The following NPAS3 variants were observed in gnomAD, a reference collection of about 807,000 sequenced individuals.
NPAS3 encodes the protein neuronal PAS domain protein 3, also known as neuronal PAS domain-containing protein 3.
Under a neutral mutation model 73.1 loss-of-function variants are expected in NPAS3, and 14 were observed. The ratio of observed to expected loss-of-function variants is 0.19; its 90% CI spans 0.13 to 0.30. The LOEUF (loss-of-function observed/expected upper bound fraction) is 0.30. Ranked by LOEUF, NPAS3 falls within the 10% of genes least tolerant of loss-of-function variation. The probability of loss-of-function intolerance (pLI) is 1.00; values close to 1 mark genes in which losing one functional copy is unlikely to be tolerated. For synonymous variants in NPAS3, 620 were observed against 541.5 expected (o/e 1.14, Z -2.01); for missense variants, 1,096 against 1,250.0 (o/e 0.88, Z 1.86).
intron 6 of NPAS3, among the ~76,000 whole-genome samples, chr14:33,729,838 G>A (rs1441697428): frequency 6.6e-6 from 1 of 152,118 alleles, no homozygotes; most frequent in African/African-American, 2.4e-5. Flanking sequence ...CCTTTTAGAA[G>A]GAGGAGTTTT....
intron 6 of NPAS3, chr14:33,680,497 G>C (rs940524394): frequency 1.5e-6 from 1 of 669,804 alleles, no homozygotes; most frequent in African/African-American, 1.8e-5. Context: ...GTTTGGTGGG[G>C]TTTTTTGTAT....
intron 1 of NPAS3, among the ~76,000 whole-genome samples, chr14:33,024,448 G>T (rs751828736): frequency 3.9e-5 from 6 of 152,036 alleles, no homozygotes; most frequent in Non-Finnish European, 7.4e-5. Context: ...GGGATTACAG[G>T]CGTGAGCCAC....
intron 4 of NPAS3, among the ~76,000 whole-genome samples, chr14:33,455,285 G>C (rs988183497): frequency 6.6e-6 from 1 of 152,116 alleles, no homozygotes; most frequent in South Asian, 2.1e-4. Context: ...TTGTATTTCA[G>C]CTCCTAAGTT....
At position 33,261,796 on chromosome 14, in the gene NPAS3, T is replaced by C. The variant is rs533906638; in HGVS notation, c.385+46370T>C. ...ATTTTAATGTAATAGAGTTTGAAATTCACACATCATTTTATCCTAAAGCAA... is the reference window on the plus strand; with the variant it reads ...ATTTTAATGTAATAGAGTTTGAAATCCACACATCATTTTATCCTAAAGCAA... On this transcript the variant is annotated intron_variant, in intron 3 of 11. Transcript: ENST00000356141. Among the ~76,000 whole-genome samples, 3 of 152,300 alleles carry C rather than the reference T, an allele frequency of 2.0e-5. No individual in the cohort carries two copies. In the East Asian group the frequency reaches 5.8e-4, roughly 29 times the overall value.
chr14:33,774,795 C>A (rs543372549), intron 8 of NPAS3, among the ~76,000 whole-genome samples: 1 of 152,248 alleles, frequency 6.6e-6, no homozygotes, highest in South Asian at 2.1e-4. Context: ...TGGCTGAGAA[C>A]CCAAGGAGAG....
At chr14:33,331,907 C>A (rs997134967) in intron 3 of NPAS3, among the ~76,000 whole-genome samples, 13 of 152,186 alleles carry the variant, frequency 8.5e-5, no homozygotes, top group Non-Finnish European at 1.5e-5. Context: ...GTGTTTATAT[C>A]GGATTCCCTG....
chr14:33,374,712 G>T (rs1428284245), intron 4 of NPAS3, among the ~76,000 whole-genome samples: 1 of 148,038 alleles, frequency 6.8e-6, no homozygotes, highest in Non-Finnish European at 1.5e-5. Context: ...GGCGGGGGGG[G>T]GAGTAGAGAA....
intron 5 of NPAS3, among the ~76,000 whole-genome samples, chr14:33,603,011 A>C (rs1277541416): frequency 6.6e-6 from 1 of 152,220 alleles, no homozygotes; most frequent in Non-Finnish European, 1.5e-5. Flanking sequence ...CCAGATGTGG[A>C]AAGGAGCAGG....
intron 5 of NPAS3, among the ~76,000 whole-genome samples, chr14:33,668,279 C>T (rs1209428224): frequency 6.6e-6 from 1 of 152,206 alleles, no homozygotes; most frequent in East Asian, 1.9e-4. Context: ...TTCCACCATA[C>T]AGTAGCCCCT....
At chr14:33,175,927 A>G (rs1278524490) in intron 2 of NPAS3, among the ~76,000 whole-genome samples, 1 of 152,158 alleles carries the variant, frequency 6.6e-6, no homozygotes, top group Admixed American at 6.5e-5. Context: ...AACAACAACA[A>G]AAAAAATCAA....
rs73256844 is a variant in NPAS3, at chr14:33,313,486, A to G, written c.386-53700A>G. On this transcript the variant is annotated intron_variant, in intron 3 of 11. Transcript: ENST00000356141. Reference sequence around the variant, plus strand: ...GGTGGAATTTGTAAATGAAATGTCTATCCTGCTCCTCATCCAGGCAGTGCT... The same window carrying G: ...GGTGGAATTTGTAAATGAAATGTCTGTCCTGCTCCTCATCCAGGCAGTGCT... 3.7e-4 allele frequency among the ~76,000 whole-genome samples: 57 copies of G among 152,232 alleles called. 1 individual carries two copies. Among genetic ancestry groups the G allele is most frequent in the African/African-American group, 1.3e-3 (56 of 41,572 alleles).
At chr14:33,077,905 T>G (rs1218982779) in intron 2 of NPAS3, among the ~76,000 whole-genome samples, 1 of 151,630 alleles carries the variant, frequency 6.6e-6, no homozygotes, top group Non-Finnish European at 1.5e-5. Context: ...CCTCGCATTT[T>G]GGGAAGCTGA....
intron 6 of NPAS3, among the ~76,000 whole-genome samples, chr14:33,720,159 T>C (rs2061067080): frequency 1.3e-5 from 2 of 152,212 alleles, no homozygotes; most frequent in Admixed American, 6.5e-5. Context: ...GATTCTTCTC[T>C]AGAGCCTCCC....
chr14:33,521,084 A>C (rs2281631), intron 4 of NPAS3, among the ~76,000 whole-genome samples: 62,475 of 151,920 alleles, frequency 0.41, 13,372 homozygotes, highest in Admixed American at 0.52. Context: ...TTTTTCCTTC[A>C]AATAACAGGA....
intron 2 of NPAS3, among the ~76,000 whole-genome samples, chr14:33,143,897 C>T (rs925865178): frequency 6.6e-6 from 1 of 152,112 alleles, no homozygotes; most frequent in African/African-American, 2.4e-5. Context: ...GAATCAGTAC[C>T]TCATTCCTTT....
chr14:33,048,709 C>T (rs2040598104), intron 1 of NPAS3, among the ~76,000 whole-genome samples: 1 of 152,166 alleles, frequency 6.6e-6, no homozygotes, highest in South Asian at 2.1e-4. Context: ...AAAATAATGA[C>T]AAAATAGAGG....
intron 6 of NPAS3, among the ~76,000 whole-genome samples, chr14:33,731,376 G>A (rs1458188828): frequency 6.9e-5 from 10 of 145,200 alleles, no homozygotes; most frequent in African/African-American, 2.1e-4. Flanking sequence ...TTATAATCAC[G>A]CCACTGCACT....
At chr14:33,224,319 T>C (rs140296255) in intron 3 of NPAS3, among the ~76,000 whole-genome samples, 2,540 of 152,298 alleles carry the variant, frequency 0.017, 30 homozygotes, top group Middle Eastern at 0.061. Context: ...GACTGCTTTA[T>C]ATGATTGAAA....
chr14:33,767,615 T>TTC (rs1555330306), intron 7 of NPAS3, among the ~76,000 whole-genome samples: 297 of 151,106 alleles, frequency 2.0e-3, no homozygotes, highest in African/African-American at 6.5e-3. Context: ...TTTTTTTTTT[T>TTC]CGTACCTGAA....
Sources: gnomAD v4.1 joint callset for allele counts (sites outside exome capture counted in the v4.1 genomes callset) on GRCh38, gnomAD v4.1.1 for gene constraint, MANE v1.5 for transcripts, NCBI Gene and HGNC (gene_info 2026-07-23, HGNC 2026-07-21) for gene names.